Variants in FYN observed in about 807,000 individuals in gnomAD.
FYN encodes the protein tyrosine-protein kinase Fyn.
A neutral mutation model predicts 70.2 loss-of-function variants in FYN; 10 were observed. The observed-to-expected ratio is 0.14, with a 90% confidence interval of 0.09 to 0.24. The LOEUF (loss-of-function observed/expected upper bound fraction) is 0.24, where lower values mean the gene tolerates loss of function less well. Among genes scored for constraint, FYN ranks in the 10% least tolerant of loss-of-function variants. The pLI, the probability that FYN is intolerant of heterozygous loss-of-function variation, is 1.00. For missense variants in FYN, 319 were observed against 673.1 expected, an observed-to-expected ratio of 0.47 and a Z score of 5.82; for synonymous variants, 236 against 248.6, an observed-to-expected ratio of 0.95 and a Z score of 0.48.
chr6:111,826,921 A>G (rs1275563244), intron 2 of FYN, among the ~76,000 whole-genome samples: 2 of 152,106 alleles, frequency 1.3e-5, no homozygotes, highest in African/African-American at 2.4e-5. Context: ...GCTGGAAGGG[A>G]CCTTAGAAAG....
At chr6:111,670,819 G>C (rs1329831171) in intron 13 of FYN, among the ~76,000 whole-genome samples, 1 of 152,066 alleles carries the variant, frequency 6.6e-6, no homozygotes, top group Non-Finnish European at 1.5e-5. Context: ...GGGAAAAGAA[G>C]GATTTGAGAA....
chr6:111,841,696 T>G (rs1376572433), intron 2 of FYN, among the ~76,000 whole-genome samples: 3 of 152,124 alleles, frequency 2.0e-5, no homozygotes, highest in Non-Finnish European at 4.4e-5. Flanking sequence ...TTTCCTTGAA[T>G]CACGCTGAAA....
At chr6:111,708,242 T>C (rs1215525850) in intron 5 of FYN, 6 of 456,108 alleles carry the variant, frequency 1.3e-5, no homozygotes, top group Middle Eastern at 6.1e-4. Context: ...CTTGCCTTAT[T>C]TGTGAATTAA....
intron 2 of FYN, among the ~76,000 whole-genome samples, chr6:111,841,925 C>A (rs982107040): frequency 6.6e-6 from 1 of 151,990 alleles, no homozygotes; most frequent in African/African-American, 2.4e-5. Flanking sequence ...TATTTTTGGG[C>A]CAAGACTAAC....
At chr6:111,810,966 T>C (rs796865198) in intron 2 of FYN, among the ~76,000 whole-genome samples, 12 of 152,378 alleles carry the variant, frequency 7.9e-5, no homozygotes, top group African/African-American at 2.9e-4. Flanking sequence ...CCATTCACTA[T>C]ATAATTGTAT....
chr6:111,783,945 C>T (rs1212165448), intron 2 of FYN, among the ~76,000 whole-genome samples: 1 of 152,202 alleles, frequency 6.6e-6, no homozygotes, highest in Non-Finnish European at 1.5e-5. Context: ...TGTGTGCACA[C>T]TGAAGTTTGA....
intron 3 of FYN, among the ~76,000 whole-genome samples, chr6:111,772,121 G>T (rs889932300): frequency 3.3e-5 from 5 of 152,146 alleles, no homozygotes; most frequent in African/African-American, 1.2e-4. Flanking sequence ...CTACACATGA[G>T]GAGCCTGTGT....
At chr6:111,762,751 C>T (rs1803058650) in intron 3 of FYN, among the ~76,000 whole-genome samples, 2 of 152,014 alleles carry the variant, frequency 1.3e-5, no homozygotes, top group South Asian at 4.2e-4. Context: ...GGAAGAACTG[C>T]CTTGGGCCAC....
At chr6:111,842,168 G>C (rs1410181223) in intron 2 of FYN, among the ~76,000 whole-genome samples, 1 of 152,208 alleles carries the variant, frequency 6.6e-6, no homozygotes, top group East Asian at 1.9e-4. Context: ...ATCACCAGCA[G>C]AATGGGTCAA....
intron 5 of FYN, among the ~76,000 whole-genome samples, chr6:111,709,984 G>GT (rs2128452977): frequency 6.8e-6 from 1 of 148,110 alleles, no homozygotes; most frequent in East Asian, 2.0e-4. Flanking sequence ...TTTAAACACT[G>GT]TATGTGTTTA....
chr6:111,751,356 C>A (rs1170515085), intron 3 of FYN, among the ~76,000 whole-genome samples: 1 of 152,198 alleles, frequency 6.6e-6, no homozygotes, highest in Non-Finnish European at 1.5e-5. Context: ...AACGCCAGAA[C>A]TGCTGTCTCT....
chr6:111,728,553 T>C (rs1801292788), intron 3 of FYN, among the ~76,000 whole-genome samples: 1 of 152,240 alleles, frequency 6.6e-6, no homozygotes, highest in African/African-American at 2.4e-5. Flanking sequence ...TTTCTGTCTC[T>C]ATGGATTTGC....
chr6:111,757,435 A>G (rs1443692708), intron 3 of FYN, among the ~76,000 whole-genome samples: 3 of 152,254 alleles, frequency 2.0e-5, no homozygotes, highest in Non-Finnish European at 4.4e-5. Context: ...ACTTAAAAAA[A>G]TGAGGCGTTG....
chr6:111,670,787 C>T (rs377080098), intron 13 of FYN, among the ~76,000 whole-genome samples: 978 of 88,880 alleles, frequency 0.011, 9 homozygotes, highest in African/African-American at 0.04. Context: ...GGTGGGGAGG[C>T]GGGGAGAAAC....
intron 12 of FYN, among the ~76,000 whole-genome samples, chr6:111,687,754 G>T (rs1400300650): frequency 2.0e-5 from 3 of 152,162 alleles, no homozygotes; most frequent in East Asian, 1.9e-4. Context: ...TGTTGGCTTT[G>T]TGCCAACTGC....
intron 8 of FYN, 118 bp from the exon 9 acceptor site, chr6:111,700,386 C>T (rs1422925394): frequency 1.0e-6 from 1 of 958,830 alleles, no homozygotes; most frequent in African/African-American, 1.6e-5. Flanking sequence ...AGTGCTACTA[C>T]ACCAGCAGAC....
At chr6:111,857,557 A>G (rs1416015308) in intron 1 of FYN, among the ~76,000 whole-genome samples, 4 of 152,238 alleles carry the variant, frequency 2.6e-5, no homozygotes, top group Non-Finnish European at 1.5e-5. Context: ...AAAAAGTTTA[A>G]GCAGTTAAAA....
At chr6:111,785,151 T>C (rs1445067639) in intron 2 of FYN, among the ~76,000 whole-genome samples, 3 of 152,228 alleles carry the variant, frequency 2.0e-5, no homozygotes, top group Admixed American at 2.0e-4. Context: ...TCCCAGGTTC[T>C]GTCTCCTCAG....
chr6:111,854,877 C>T (rs998542956), intron 1 of FYN, among the ~76,000 whole-genome samples: 7 of 152,146 alleles, frequency 4.6e-5, no homozygotes, highest in African/African-American at 1.7e-4. Context: ...GCTAAAGAGG[C>T]AACAGCAACT....
Sources: allele counts gnomAD v4.1 joint callset (sites outside exome capture counted in the v4.1 genomes callset), GRCh38; gene constraint gnomAD v4.1.1; transcripts MANE v1.5; gene names NCBI Gene and HGNC (gene_info 2026-07-23, HGNC 2026-07-21).